Variants in MCPH1 observed in about 807,000 individuals in gnomAD.
The protein encoded by MCPH1 is microcephalin 1.
In MCPH1, 104 loss-of-function variants were observed where a neutral mutation model predicts 84.5. The observed-to-expected ratio is 1.23, with a 90% CI of 1.05 to 1.45. MCPH1 has a LOEUF of 1.45. Among genes scored for constraint, MCPH1 ranks in the 40% most tolerant of loss-of-function variants. The pLI, the probability that MCPH1 is intolerant of heterozygous loss-of-function variation, is 0.00. For missense variants in MCPH1, 1,498 were observed against 1,005.7 expected, an observed-to-expected ratio of 1.49 and a Z score of -6.62; for synonymous variants, 514 against 366.8, an observed-to-expected ratio of 1.40 and a Z score of -4.58.
chr8:6,515,216 G>A (rs1419787895), intron 12 of MCPH1, among the ~76,000 whole-genome samples: 1 of 133,406 alleles, frequency 7.5e-6, no homozygotes, highest in Non-Finnish European at 1.7e-5. Context: ...GCCAGCCCCT[G>A]CCCCTCCACA....
intron 12 of MCPH1, among the ~76,000 whole-genome samples, chr8:6,612,954 T>C (rs1442502727): frequency 6.6e-6 from 1 of 152,242 alleles, no homozygotes; most frequent in Non-Finnish European, 1.5e-5. Flanking sequence ...ACAGCATTTG[T>C]GTTCTTTGTT....
chr8:6,621,266 C>T lies in MCPH1; in HGVS notation c.2215-188C>T, dbSNP rs534786375. ...TTTTACGCATGGCTACTTCAGAAAACGTCAGTTTTATGTCATTAATGTCAT... is the reference window on the plus strand; with the variant it reads ...TTTTACGCATGGCTACTTCAGAAAATGTCAGTTTTATGTCATTAATGTCAT... On this transcript the variant is annotated intron_variant, in intron 12 of 13. Transcript: ENST00000344683. 2.5e-4 allele frequency: 177 copies of T among 697,060 alleles called. 5 individuals carry two copies. In the South Asian group the frequency reaches 2.7e-3, roughly 11 times the overall value. The allele number at this position is 697,060 out of a possible 1,614,324, so 43.2% of individuals were successfully genotyped here. A position where few individuals can be genotyped will look rare whatever the true frequency, so the allele number is the denominator to read the frequency against.
Position 6,621,597 on chromosome 8 carries a change from C to T in MCPH1, c.2358C>T (p.Val786=). 6.2e-7 allele frequency: 1 copy of T among 1,614,222 alleles called. No individual in the cohort carries two copies. Among genetic ancestry groups the T allele is most frequent in the South Asian group, 1.1e-5 (1 of 91,084 alleles). Residue 786 remains valine, a synonymous_variant, in exon 13 of 14, where the codon GTC becomes GTT. Transcript: ENST00000344683. The part of the protein sequence containing the change: ...CELVHLCGGR[V]SQVPRQASIV... ...TAGTCCACCTGTGCGGAGGCCGGGT[C>T]AGCCAAGTCCCCCGCCAGGCCAGCA...
chr8:6,499,783 T>G, intron 11 of MCPH1, 69 bp from the exon 12 acceptor site: 3 of 1,399,980 alleles, frequency 2.1e-6, no homozygotes, highest in Non-Finnish European at 3.0e-6. Context: ...GTCTTCAAAG[T>G]GATTCTTGGT....
At chr8:6,636,026 G>C (rs1326392453) in intron 13 of MCPH1, among the ~76,000 whole-genome samples, 1 of 152,202 alleles carries the variant, frequency 6.6e-6, no homozygotes, top group Non-Finnish European at 1.5e-5. Context: ...GGAAATGACT[G>C]CTTGGTAGTA....
chr8:6,491,280 G>C (rs1371772313), intron 11 of MCPH1, among the ~76,000 whole-genome samples: 1 of 151,342 alleles, frequency 6.6e-6, no homozygotes, highest in African/African-American at 2.4e-5. Flanking sequence ...GCAATGTTTG[G>C]TGAATAATTT....
At position 6,459,706 on chromosome 8, in the gene MCPH1, C is replaced by T. The variant is rs149190301; in HGVS notation, c.1935+4454C>T. On this transcript the variant is annotated intron_variant, in intron 9 of 13. Transcript: ENST00000344683. Reference sequence around the variant, plus strand: ...AAATGATTTGAAACTCAGATGTGTCCCGTGGCCCTAATGACTTTATTTTCT... The same window carrying T: ...AAATGATTTGAAACTCAGATGTGTCTCGTGGCCCTAATGACTTTATTTTCT... Among the ~76,000 whole-genome samples the T allele has an allele frequency of 1.2e-3, 184 of 152,268 alleles. 3 individuals carry two copies. In the East Asian group the frequency reaches 0.029, roughly 24 times the overall value.
At position 6,646,206 on chromosome 8, in the gene MCPH1, C is replaced by T. The variant is rs1798209308; in HGVS notation, c.*3157C>T. The stretch of plus-strand genomic sequence containing the variant: ...CTGGGAGGCTGAGGCGGGTGGATCA[C>T]TTGAAGTCGGGAGTTTAAGACCAGC... On this transcript the variant is annotated 3_prime_UTR_variant, in exon 14 of 14. Coordinates refer to ENST00000344683, the MANE Select transcript of MCPH1 (RefSeq NM_024596.5). The T allele has an allele frequency of 1.3e-5, 2 of 152,140 alleles. No homozygotes were observed. The highest frequency in any genetic ancestry group is 6.5e-5 in the Admixed American group (1 of 15,282). 9.4% of individuals were successfully genotyped at this position (152,140 alleles called of 1,614,324 possible). A position where few individuals can be genotyped will look rare whatever the true frequency, so the allele number is the denominator to read the frequency against.
rs537727669 is a variant in MCPH1, at chr8:6,645,306, A to C, written c.*2257A>C. On this transcript the variant is annotated 3_prime_UTR_variant, in exon 14 of 14. Coordinates refer to ENST00000344683, the MANE Select transcript of MCPH1 (RefSeq NM_024596.5). ...TGAGGACTGACTGTTGCTAGACATT[A>C]CACTAAGCACATTATATGTTGTACT... The C allele has an allele frequency of 6.6e-6, 1 of 152,156 alleles. No homozygotes were observed. The highest frequency in any genetic ancestry group is 1.5e-5 in the Non-Finnish European group (1 of 68,032). The allele number at this position is 152,156 out of a possible 1,614,324, so 9.4% of individuals were successfully genotyped here. A position where few individuals can be genotyped will look rare whatever the true frequency, so the allele number is the denominator to read the frequency against.
chr8:6,430,682 G>A (rs190657269), intron 3 of MCPH1, among the ~76,000 whole-genome samples: 4 of 152,332 alleles, frequency 2.6e-5, no homozygotes, highest in Non-Finnish European at 4.4e-5. Context: ...GCCTGTGAGG[G>A]ATAGTTGGAG....
intron 12 of MCPH1, among the ~76,000 whole-genome samples, chr8:6,606,335 A>G (rs773056354): frequency 1.3e-5 from 2 of 152,256 alleles, no homozygotes; most frequent in East Asian, 1.9e-4. Context: ...GAAATCAAAT[A>G]CAATTCATTC....
rs1007611242 is a variant in MCPH1 at position 6,645,913 on chromosome 8, G to C, written c.*2864G>C. 7 of 152,148 alleles carry C rather than the reference G, an allele frequency of 4.6e-5. No homozygotes were observed. The highest frequency in any genetic ancestry group is 1.4e-4 in the African/African-American group (6 of 41,430). 9.4% of individuals were successfully genotyped at this position (152,148 alleles called of 1,614,324 possible). A position where few individuals can be genotyped will look rare whatever the true frequency, so the allele number is the denominator to read the frequency against. On this transcript the variant is annotated 3_prime_UTR_variant, in exon 14 of 14. Coordinates refer to ENST00000344683, the MANE Select transcript of MCPH1 (RefSeq NM_024596.5). ...AGACATATACAAAGTTCATAGATTA[G>C]AAGATGCAATATTGTTAAGATGATA...
chr8:6,467,446 ATTTATAGGTTGTGTCT>A (rs1807122972), intron 9 of MCPH1, among the ~76,000 whole-genome samples: 1 of 152,150 alleles, frequency 6.6e-6, no homozygotes, highest in South Asian at 2.1e-4. Context: ...TTATCCCAGA[ATTTATAGGTTGTGTCT>A]TTTGTCCTTT....
chr8:6,562,968 A>G (rs777398738), intron 12 of MCPH1: 1 of 1,550,262 alleles, frequency 6.5e-7, no homozygotes, highest in African/African-American at 1.4e-5. Context: ...AGCTTAGCAA[A>G]CTTGAGGGCA....
intron 7 of MCPH1, among the ~76,000 whole-genome samples, chr8:6,443,971 G>A (rs933707155): frequency 6.6e-6 from 1 of 152,208 alleles, no homozygotes; most frequent in African/African-American, 2.4e-5. Context: ...GGGAAGGTAA[G>A]GGTGAGCTGT....
At position 6,440,222 on chromosome 8, in the gene MCPH1, C is replaced by A. The variant is rs1037657858; in HGVS notation, c.580+1126C>A. The stretch of plus-strand genomic sequence containing the variant: ...TTGCAGTTTTTATTCTTTTTTTAAC[C>A]ATATGGTTTGGTTGTTCTTGTTTTT... On this transcript the variant is annotated intron_variant, in intron 6 of 13. Transcript: ENST00000344683. Among the ~76,000 whole-genome samples, 5 of 151,976 alleles carry A rather than the reference C, an allele frequency of 3.3e-5. No individual in the cohort carries two copies. In the East Asian group the frequency reaches 9.7e-4, roughly 29 times the overall value.
intron 3 of MCPH1, among the ~76,000 whole-genome samples, chr8:6,423,667 A>G (rs1057341725): frequency 6.6e-5 from 10 of 152,106 alleles, no homozygotes; most frequent in African/African-American, 2.2e-4. Context: ...TGTATGTATT[A>G]CCTTTTTGCG....
rs192512360 is a variant in MCPH1 at position 6,440,363 on chromosome 8, G to A, written c.580+1267G>A. 1.1e-3 allele frequency among the ~76,000 whole-genome samples: 172 copies of A among 151,968 alleles called. 1 individual carries two copies. The highest frequency in any genetic ancestry group is 4.0e-3 in the African/African-American group (166 of 41,422). On this transcript the variant is annotated intron_variant, in intron 6 of 13. Transcript: ENST00000344683. ...GAATCCTTGTATTTCTGAGTACTTC[G>A]TGTATTTCAATAATACTAATTCATA... is the stretch of plus-strand genomic sequence containing the variant.
At chr8:6,481,442 G>A (rs773886532) in intron 11 of MCPH1, among the ~76,000 whole-genome samples, 2 of 152,146 alleles carry the variant, frequency 1.3e-5, no homozygotes, top group Non-Finnish European at 2.9e-5. Flanking sequence ...GAAATGAACT[G>A]TTATTGGTTC....
Sources: allele counts gnomAD v4.1 joint callset (sites outside exome capture counted in the v4.1 genomes callset), GRCh38; gene constraint gnomAD v4.1.1; transcripts MANE v1.5; gene names NCBI Gene and HGNC (gene_info 2026-07-23, HGNC 2026-07-21).